Variants in KATNIP observed in about 807,000 individuals in gnomAD.
KATNIP encodes the protein katanin-interacting protein.
Under a neutral mutation model 174.0 loss-of-function variants are expected in KATNIP, and 126 were observed. The ratio of observed to expected loss-of-function variants is 0.72; its 90% CI spans 0.63 to 0.84. KATNIP has a LOEUF of 0.84. KATNIP is among the 40% of genes least tolerant of loss of function. The pLI, the probability that KATNIP is intolerant of heterozygous loss-of-function variation, is 0.00. For synonymous variants in KATNIP, 810 were observed against 835.7 expected (o/e 0.97, Z 0.53); for missense variants, 1,958 against 2,109.7 (o/e 0.93, Z 1.41).
chr16:27,647,633 G>A (rs1597051430), intron 5 of KATNIP, among the ~76,000 whole-genome samples: 1 of 152,016 alleles, frequency 6.6e-6, no homozygotes, highest in South Asian at 2.1e-4. Flanking sequence ...AGCCTCCTGA[G>A]TAGCTGGGAC....
At chr16:27,594,369 G>A (rs898425445) in intron 2 of KATNIP, among the ~76,000 whole-genome samples, 2 of 152,052 alleles carry the variant, frequency 1.3e-5, no homozygotes, top group African/African-American at 4.8e-5. Context: ...GGTTTTGGTT[G>A]TGGTGTCCGT....
intron 23 of KATNIP, 50 bp downstream of exon 23, chr16:27,773,259 G>T: frequency 1.5e-6 from 2 of 1,290,336 alleles, no homozygotes; most frequent in East Asian, 2.4e-5. Context: ...AAGGGAGCAT[G>T]GGAGGGTCGG....
chr16:27,776,182 G>A lies in KATNIP; in HGVS notation c.4450-746G>A, dbSNP rs942727077. Among the ~76,000 whole-genome samples, 1 of 152,232 alleles carries A rather than the reference G, an allele frequency of 6.6e-6. No homozygotes were observed. The highest frequency in any genetic ancestry group is 3.4e-3 in the Middle Eastern group (1 of 294). ...TCCAGCCAGGAGGCTGGCCCTACCCGAGCAGCCGCACTCCCTCTTGGCATA... is the reference window on the plus strand; with the variant it reads ...TCCAGCCAGGAGGCTGGCCCTACCCAAGCAGCCGCACTCCCTCTTGGCATA... On this transcript the variant is annotated intron_variant, in intron 24 of 27. Transcript: ENST00000261588. This position sits in a 1 kb window ranked among gnomAD's most constrained non-coding sequence, Gnocchi z 4.7.
intron 2 of KATNIP, among the ~76,000 whole-genome samples, chr16:27,616,977 A>G (rs963259391): frequency 6.6e-6 from 1 of 150,468 alleles, no homozygotes; most frequent in African/African-American, 2.4e-5. Flanking sequence ...ATCTTTGTAT[A>G]TTATAAACAA....
chr16:27,743,415 G>A (rs774259862), intron 15 of KATNIP, among the ~76,000 whole-genome samples: 1 of 152,144 alleles, frequency 6.6e-6, no homozygotes, highest in Admixed American at 6.5e-5. Flanking sequence ...TGTTATCCTG[G>A]ACAGAGCTGC....
At chr16:27,557,643 G>T (rs1285414257) in intron 1 of KATNIP, among the ~76,000 whole-genome samples, 1 of 151,804 alleles carries the variant, frequency 6.6e-6, no homozygotes, top group Non-Finnish European at 1.5e-5. Flanking sequence ...GTCCAGGCTG[G>T]TCTCCATCTC....
At chr16:27,679,574 C>G (rs886740443) in intron 7 of KATNIP, among the ~76,000 whole-genome samples, 8 of 151,720 alleles carry the variant, frequency 5.3e-5, no homozygotes, top group Admixed American at 2.0e-4. Flanking sequence ...TGGCAAGACC[C>G]CATCTCTACA....
chr16:27,596,313 A>G (rs1596850465), intron 2 of KATNIP, among the ~76,000 whole-genome samples: 1 of 151,966 alleles, frequency 6.6e-6, no homozygotes, highest in Non-Finnish European at 1.5e-5. Flanking sequence ...TGGGTGGGAG[A>G]GAGAGAAAAA....
intron 6 of KATNIP, among the ~76,000 whole-genome samples, chr16:27,664,960 G>C (rs2142543286): frequency 6.6e-6 from 1 of 152,252 alleles, no homozygotes; most frequent in South Asian, 2.1e-4. Flanking sequence ...GCTGCAGCCT[G>C]TCCCCGGCTA....
intron 14 of KATNIP, among the ~76,000 whole-genome samples, chr16:27,725,622 G>A (rs1324685727): frequency 6.6e-6 from 1 of 152,186 alleles, no homozygotes; most frequent in African/African-American, 2.4e-5. Flanking sequence ...CCTGCAGAGT[G>A]GCATCTGTTG....
At chr16:27,696,919 G>A (rs1320562586) in intron 8 of KATNIP, among the ~76,000 whole-genome samples, 1 of 152,096 alleles carries the variant, frequency 6.6e-6, no homozygotes, top group East Asian at 1.9e-4. Flanking sequence ...ATTAGAGACA[G>A]GGTTTCACCA....
chr16:27,776,370 G>A lies in KATNIP; in HGVS notation c.4450-558G>A, dbSNP rs888358859. 2.0e-5 allele frequency among the ~76,000 whole-genome samples: 3 copies of A among 152,120 alleles called. No homozygotes were observed. The highest frequency in any genetic ancestry group is 2.0e-4 in the Admixed American group (3 of 15,280). ...GGGGTGGGGAGAGGGAGGGCTGTTT[G>A]AGGCTGCTCCGTCCCACTTTTCCCA... On this transcript the variant is annotated intron_variant, in intron 24 of 27. Transcript: ENST00000261588. The surrounding 1 kb of genome is among the most constrained non-coding windows in gnomAD (Gnocchi z 4.7).
intron 19 of KATNIP, among the ~76,000 whole-genome samples, chr16:27,763,886 T>C (rs1159058707): frequency 6.6e-6 from 1 of 152,192 alleles, no homozygotes; most frequent in African/African-American, 2.4e-5. Context: ...TGCATCTCTA[T>C]GGTATTGTTT....
intron 13 of KATNIP, among the ~76,000 whole-genome samples, chr16:27,717,865 C>T (rs558724293): frequency 3.3e-5 from 5 of 152,132 alleles, no homozygotes; most frequent in Admixed American, 6.5e-5. Context: ...CCCCAACTCC[C>T]GGGCCCCATT....
intron 13 of KATNIP, among the ~76,000 whole-genome samples, chr16:27,717,638 T>C (rs527525212): frequency 2.6e-5 from 4 of 152,290 alleles, no homozygotes; most frequent in Non-Finnish European, 4.4e-5. Flanking sequence ...ACAGTGTTTG[T>C]TGGGCAAGTT....
chr16:27,654,369 T>C (rs2077202822), intron 6 of KATNIP, among the ~76,000 whole-genome samples: 1 of 152,230 alleles, frequency 6.6e-6, no homozygotes, highest in Non-Finnish European at 1.5e-5. Flanking sequence ...TTCAGAGCAC[T>C]GTTTTAGGAG....
intron 14 of KATNIP, among the ~76,000 whole-genome samples, chr16:27,725,475 TG>T (rs1336612836): frequency 6.6e-6 from 1 of 152,190 alleles, no homozygotes; most frequent in Non-Finnish European, 1.5e-5. Flanking sequence ...CAGGAGGATG[TG>T]ATAACATGTG....
At chr16:27,649,508 A>T (rs2077058079) in intron 6 of KATNIP, among the ~76,000 whole-genome samples, 1 of 152,132 alleles carries the variant, frequency 6.6e-6, no homozygotes, top group Non-Finnish European at 1.5e-5. Context: ...ATTATTTTTT[A>T]AAGACGGAAT....
chr16:27,577,209 A>G (rs984619253), intron 2 of KATNIP, among the ~76,000 whole-genome samples: 2 of 152,230 alleles, frequency 1.3e-5, no homozygotes, highest in Admixed American at 1.3e-4. Context: ...ACATTTAAAC[A>G]TTGCCAACCA....
Sources: allele counts gnomAD v4.1 joint callset (sites outside exome capture counted in the v4.1 genomes callset), GRCh38; gene constraint gnomAD v4.1.1; non-coding constraint Gnocchi (gnomAD v3.1); transcripts MANE v1.5; gene names NCBI Gene and HGNC (gene_info 2026-07-23, HGNC 2026-07-21).